SCAPER: variants seen among roughly 807,000 people sequenced by gnomAD.
SCAPER encodes the protein S-phase cyclin A associated protein in the ER.
In SCAPER, 98 loss-of-function variants were observed where a neutral mutation model predicts 182.2. That is an observed-to-expected ratio of 0.54 (90% confidence interval 0.46 to 0.64). The LOEUF (loss-of-function observed/expected upper bound fraction) is 0.64, where lower values mean the gene tolerates loss of function less well. Ranked by LOEUF, SCAPER falls within the 30% of genes least tolerant of loss-of-function variation. The pLI is 0.00. For missense variants in SCAPER, 1,432 were observed against 1,690.0 expected (o/e 0.85, Z 2.68); for synonymous variants, 605 against 564.6 (o/e 1.07, Z -1.01).
Position 76,504,869 on chromosome 15 carries a change from T to C in SCAPER, c.2944A>G (p.Ile982Val), listed in dbSNP as rs774654920. Residue 982 changes from isoleucine to valine, a missense_variant, in exon 24 of 32, where the codon ATT becomes GTT. Around this residue, in one of 5 missense-constraint regions of SCAPER, gnomAD observed 718 missense variants for 799.7 expected, o/e 0.90. Transcript: ENST00000563290. ...PATNVNTVLR[I>V]PPKSLCNAIN... is the part of the protein sequence containing the mutation. ...AGAAACTATACTTACTTAGGAGGAA[T>C]TCTTAAAACTGTGTTCACATTTGTG... The C allele has an allele frequency of 1.9e-5, 31 of 1,606,554 alleles. No homozygotes were observed. Among genetic ancestry groups the C allele is most frequent in the Non-Finnish European group, 2.6e-5 (31 of 1,177,486 alleles).
At chr15:76,627,975 T>C (rs4525456) in intron 21 of SCAPER, among the ~76,000 whole-genome samples, 58,015 of 152,004 alleles carry the variant, frequency 0.38, 13,071 homozygotes, top group Middle Eastern at 0.52. Flanking sequence ...TTTTAATAAT[T>C]GCCATTCTGA....
intron 24 of SCAPER, among the ~76,000 whole-genome samples, chr15:76,475,365 T>C (rs1051999351): frequency 1.3e-5 from 2 of 152,104 alleles, no homozygotes; most frequent in Admixed American, 1.3e-4. Context: ...CTTGCTCTGT[T>C]GCCCAGGCTG....
chr15:76,888,038 G>T (rs980885662), intron 1 of SCAPER, among the ~76,000 whole-genome samples: 5 of 152,204 alleles, frequency 3.3e-5, no homozygotes, highest in African/African-American at 1.2e-4. Context: ...GGCAAACAGT[G>T]TCTGGAGTGG....
intron 22 of SCAPER, among the ~76,000 whole-genome samples, chr15:76,618,433 T>C (rs914152656): frequency 6.6e-6 from 1 of 152,172 alleles, no homozygotes; most frequent in Non-Finnish European, 1.5e-5. Context: ...CTCTTTAGAA[T>C]GATTTTAGAT....
At chr15:76,530,077 C>G (rs2461871) in intron 23 of SCAPER, among the ~76,000 whole-genome samples, 46,054 of 152,044 alleles carry the variant, frequency 0.3, 7,983 homozygotes, top group East Asian at 0.58. Flanking sequence ...GTCTGACACA[C>G]AGTTTAGGCA....
chr15:76,547,117 C>G (rs1032668613), intron 23 of SCAPER, among the ~76,000 whole-genome samples: 2 of 152,140 alleles, frequency 1.3e-5, no homozygotes, highest in Non-Finnish European at 2.9e-5. Flanking sequence ...TCAACTTTAC[C>G]GGAACTTGCT....
chr15:76,807,384 C>T (rs1484618867), intron 5 of SCAPER, among the ~76,000 whole-genome samples: 1 of 152,128 alleles, frequency 6.6e-6, no homozygotes, highest in East Asian at 1.9e-4. Context: ...CTCTTACCTT[C>T]CTGGACTAAA....
intron 2 of SCAPER, among the ~76,000 whole-genome samples, chr15:76,871,883 G>A (rs1439855120): frequency 6.6e-6 from 1 of 151,936 alleles, no homozygotes; most frequent in African/African-American, 2.4e-5. Context: ...GAGCCACCAC[G>A]CCTGGCACAA....
intron 17 of SCAPER, among the ~76,000 whole-genome samples, chr15:76,724,298 G>A (rs1472396590): frequency 6.6e-6 from 1 of 152,218 alleles, no homozygotes; most frequent in African/African-American, 2.4e-5. Context: ...GAGATCAGCT[G>A]TTAGTCTGAT....
rs753671837 is a variant in SCAPER, at chr15:76,353,977, C to T, written c.4019G>A (p.Ser1340Asn). 1 of 1,591,156 alleles carries T rather than the reference C, an allele frequency of 6.3e-7. No homozygotes were observed. The highest frequency in any genetic ancestry group is 1.8e-5 in the Admixed American group (1 of 54,074). ...AATGAAAGTGGCCAGTAAAACACAG[C>T]TCATCTCTTGCTCCAGAATGATCTT... ...QNKIILEQEM[S>N]CVLLATFIQD... The change falls in exon 30 of 32, where the codon AGC becomes AAC. Residue 1340 changes from serine (S) to asparagine (N), a missense_variant. By Grantham distance (46) the Ser-to-Asn change is conservative. Transcript: ENST00000563290.
intron 23 of SCAPER, among the ~76,000 whole-genome samples, chr15:76,533,624 T>C (rs1340745681): frequency 1.4e-5 from 2 of 143,770 alleles, no homozygotes; most frequent in Admixed American, 1.4e-4. Flanking sequence ...AATGCATGAG[T>C]GTACATATGT....
intron 15 of SCAPER, among the ~76,000 whole-genome samples, chr15:76,748,272 G>A (rs1273708272): frequency 6.6e-6 from 1 of 152,106 alleles, no homozygotes; most frequent in Non-Finnish European, 1.5e-5. Context: ...TTACAGGCGT[G>A]AGCCACCGCG....
chr15:76,701,890 G>C, intron 19 of SCAPER, 25 bp from the exon 20 acceptor site: 1 of 1,523,278 alleles, frequency 6.6e-7, no homozygotes, highest in African/African-American at 1.4e-5. Flanking sequence ...TCAAAGCAAT[G>C]TAATCAATAT....
rs941503845 is a variant in SCAPER at position 76,494,584 on chromosome 15, T to A, written c.2954+10275A>T. Among the ~76,000 whole-genome samples the A allele has an allele frequency of 2.6e-5, 4 of 152,304 alleles. No homozygotes were observed. In the East Asian group the frequency reaches 7.7e-4, roughly 29 times the overall value. On this transcript the variant is annotated intron_variant, in intron 24 of 31. Transcript: ENST00000563290. The stretch of plus-strand genomic sequence containing the variant: ...TAAAATAGTGAAAGTTTTATGTTCA[T>A]AAATCAGAAAGAAAAGTACAGCTGT...
intron 15 of SCAPER, among the ~76,000 whole-genome samples, chr15:76,741,890 T>G (rs548550173): frequency 1.3e-5 from 2 of 152,026 alleles, no homozygotes; most frequent in Non-Finnish European, 2.9e-5. Flanking sequence ...TAGAGCTCAG[T>G]TGAAGGTAGG....
At chr15:76,763,166 C>T (rs899095503) in intron 14 of SCAPER, among the ~76,000 whole-genome samples, 1 of 152,168 alleles carries the variant, frequency 6.6e-6, no homozygotes, top group Non-Finnish European at 1.5e-5. Flanking sequence ...CAAACTCCCT[C>T]AATTTTCATG....
intron 23 of SCAPER, among the ~76,000 whole-genome samples, chr15:76,559,024 G>GTGAT (rs1466514543): frequency 9.9e-5 from 15 of 151,710 alleles, no homozygotes; most frequent in Admixed American, 8.5e-4. Flanking sequence ...TAGTGAGTGA[G>GTGAT]TTCTCATGAG....
At chr15:76,423,006 G>A (rs1249057660) in intron 26 of SCAPER, among the ~76,000 whole-genome samples, 3 of 152,148 alleles carry the variant, frequency 2.0e-5, no homozygotes, top group Non-Finnish European at 2.9e-5. Flanking sequence ...TTGATGTGCT[G>A]CTGGATTCGG....
chr15:76,411,392 C>A (rs746189685), intron 26 of SCAPER, among the ~76,000 whole-genome samples: 1 of 152,072 alleles, frequency 6.6e-6, no homozygotes, highest in Non-Finnish European at 1.5e-5. Context: ...TTGGGATGTT[C>A]AACTGGCAAG....
Sources: allele counts gnomAD v4.1 joint callset (sites outside exome capture counted in the v4.1 genomes callset), GRCh38; gene constraint gnomAD v4.1.1; regional missense constraint gnomAD v4.1.1; transcripts MANE v1.5; gene names NCBI Gene and HGNC (gene_info 2026-07-23, HGNC 2026-07-21).